KNTC1: variants seen among roughly 807,000 people sequenced by gnomAD.
KNTC1 encodes the protein kinetochore-associated protein 1.
In KNTC1, 253 loss-of-function variants were observed where a neutral mutation model predicts 314.4. The ratio of observed to expected loss-of-function variants is 0.80; its 90% CI spans 0.73 to 0.89. The LOEUF (loss-of-function observed/expected upper bound fraction) is 0.89. KNTC1 is among the 40% of genes least tolerant of loss of function. KNTC1 has a pLI of 0.00. For synonymous variants in KNTC1, 901 were observed against 901.4 expected (o/e 1.00, Z 0.01); for missense variants, 2,475 against 2,572.9 (o/e 0.96, Z 0.82).
intron 3 of KNTC1, among the ~76,000 whole-genome samples, chr12:122,536,292 A>G (rs1266132485): frequency 6.7e-6 from 1 of 149,532 alleles, no homozygotes; most frequent in African/African-American, 2.5e-5. Flanking sequence ...TGGTGGCATG[A>G]TGTCAGCTCA....
intron 45 of KNTC1, 25 bp from the exon 46 acceptor site, chr12:122,602,544 A>T: frequency 6.6e-7 from 1 of 1,506,714 alleles, no homozygotes; most frequent in Non-Finnish European, 9.1e-7. Context: ...CTCTTACTGG[A>T]CAAAAGTTTT....
At chr12:122,551,727 A>G (rs761985038) in intron 16 of KNTC1, 31 bp downstream of exon 16, 49 of 1,531,294 alleles carry the variant, frequency 3.2e-5, no homozygotes, top group Non-Finnish European at 3.6e-5. Flanking sequence ...TTGTTCACCA[A>G]ACAAGCATTT....
In KNTC1 at chr12:122,584,123, CA is replaced by C. The variant is rs891937893; in HGVS notation, c.3264-148del. Among the ~76,000 whole-genome samples, 7 of 151,578 alleles carry C rather than the reference CA, an allele frequency of 4.6e-5. No individual in the cohort carries two copies. The East Asian group carries it at 7.8e-4, about 17-fold the overall frequency. ...TAGGCGATAGGGCTAGAGCCTGTCTCAAAAAAACAAAAGAAAAACTACACTA... is the reference window on the plus strand; with the variant it reads ...TAGGCGATAGGGCTAGAGCCTGTCTCAAAAAACAAAAGAAAAACTACACTA... On this transcript the variant is annotated intron_variant, in intron 34 of 63. Transcript: ENST00000333479.
intron 24 of KNTC1, among the ~76,000 whole-genome samples, chr12:122,571,863 G>C (rs966986321): frequency 4.0e-5 from 6 of 151,666 alleles, no homozygotes; most frequent in African/African-American, 1.5e-4. Context: ...AGTAGAGACG[G>C]GATTTCACCA....
At chr12:122,538,853 G>A (rs897943430) in intron 4 of KNTC1, among the ~76,000 whole-genome samples, 7 of 152,150 alleles carry the variant, frequency 4.6e-5, no homozygotes, top group African/African-American at 1.7e-4. Context: ...AATTTTGGTC[G>A]CATCCTTTTT....
At chr12:122,588,076 T>G (rs1869628183) in intron 39 of KNTC1, among the ~76,000 whole-genome samples, 1 of 152,160 alleles carries the variant, frequency 6.6e-6, no homozygotes, top group African/African-American at 2.4e-5. Flanking sequence ...ACTCATTCTT[T>G]GCAACAGCCC....
At chr12:122,595,168 G>A (rs188603686) in intron 43 of KNTC1, among the ~76,000 whole-genome samples, 61 of 152,296 alleles carry the variant, frequency 4.0e-4, no homozygotes, top group African/African-American at 1.4e-3. Context: ...GAGCCACTGC[G>A]CCTGAACAAG....
intron 53 of KNTC1, among the ~76,000 whole-genome samples, chr12:122,612,531 G>C (rs1873279636): frequency 6.6e-6 from 1 of 150,984 alleles, no homozygotes. Context: ...TGATTCTCCT[G>C]CCTCAGCCTC....
At chr12:122,605,707 G>A (rs1401519830) in intron 51 of KNTC1, among the ~76,000 whole-genome samples, 2 of 151,870 alleles carry the variant, frequency 1.3e-5, no homozygotes, top group Non-Finnish European at 2.9e-5. Flanking sequence ...TACCACACCC[G>A]GCTGATTTTT....
Position 122,547,936 on chromosome 12 carries a change from A to G in KNTC1, c.954A>G (p.Lys318=). Residue 318 remains lysine, a synonymous_variant, in exon 12 of 64, where the codon AAA becomes AAG. Transcript: ENST00000333479. ...TTAGGCAAGGAATTACAAATCTCAA[A>G]TTAATAGCTCTGACAGCTTCAGCTA... is the stretch of plus-strand genomic sequence containing the variant. ...SVTWQGITNL[K]LIALTASANK... 1 of 1,551,478 alleles carries G rather than the reference A, an allele frequency of 6.4e-7. No individual in the cohort carries two copies. The highest frequency in any genetic ancestry group is 2.2e-5 in the Admixed American group (1 of 46,138).
chr12:122,565,236 A>T (rs1233173763), intron 20 of KNTC1, among the ~76,000 whole-genome samples: 3 of 125,792 alleles, frequency 2.4e-5, no homozygotes, highest in African/African-American at 2.9e-5. Context: ...CTTTCTCTTG[A>T]GTTGTTTTTT....
intron 36 of KNTC1, 32 bp downstream of exon 36, chr12:122,585,022 C>T: frequency 7.7e-7 from 1 of 1,291,794 alleles, no homozygotes; most frequent in Non-Finnish European, 1.1e-6. Context: ...TCCCTTAAAT[C>T]CTGGGCAACG....
intron 34 of KNTC1, among the ~76,000 whole-genome samples, chr12:122,583,353 A>G (rs1311883833): frequency 6.6e-6 from 1 of 152,176 alleles, no homozygotes; most frequent in Non-Finnish European, 1.5e-5. Flanking sequence ...AGGGCCAGTG[A>G]CACTCTTTTT....
At position 122,576,975 on chromosome 12, in the gene KNTC1, A is replaced by T; in HGVS notation, c.2667A>T (p.Leu889Phe). 6.3e-7 allele frequency: 1 copy of T among 1,596,122 alleles called. No individual in the cohort carries two copies. Among genetic ancestry groups the T allele is most frequent in the Non-Finnish European group, 8.5e-7 (1 of 1,169,924 alleles). Residue 889 changes from leucine to phenylalanine, a missense_variant, in exon 30 of 64, where the codon TTA becomes TTT. Physicochemically the swap from Leu to Phe is conservative, Grantham distance 22 (BLOSUM62 0). Coordinates refer to ENST00000333479, the MANE Select transcript of KNTC1 (RefSeq NM_014708.6). ...DALKVAQAFM[L>F]SDDEIYSLRI... Reference sequence around the variant, plus strand: ...TAAAGGTAGCCCAAGCGTTTATGTTATCTGATGATGAGATCTACAGTCTAA... The same window carrying T: ...TAAAGGTAGCCCAAGCGTTTATGTTTTCTGATGATGAGATCTACAGTCTAA...
At chr12:122,602,941 C>T in intron 47 of KNTC1, 54 bp downstream of exon 47, 3 of 1,543,728 alleles carry the variant, frequency 1.9e-6, no homozygotes, top group Non-Finnish European at 2.7e-6. Context: ...TAATTCTGAC[C>T]CCGTATAGAA....
intron 61 of KNTC1, 45 bp downstream of exon 61, chr12:122,622,015 C>A (rs568125831): frequency 2.3e-6 from 3 of 1,309,404 alleles, no homozygotes; most frequent in African/African-American, 2.9e-5. Flanking sequence ...AATGTTGATA[C>A]TAGAAGGTAG....
chr12:122,604,764 T>C, intron 49 of KNTC1, 113 bp from the exon 50 acceptor site: 1 of 1,252,076 alleles, frequency 8.0e-7, no homozygotes, highest in Non-Finnish European at 1.1e-6. Context: ...ATGTAGATGC[T>C]TAGGAACATA....
intron 18 of KNTC1, among the ~76,000 whole-genome samples, chr12:122,560,750 G>GC (rs1963914997): frequency 6.6e-6 from 1 of 152,148 alleles, no homozygotes; most frequent in Admixed American, 6.6e-5. Flanking sequence ...CAGCAACAGT[G>GC]CATAAGTGTT....
chr12:122,585,763 T>C lies in KNTC1; in HGVS notation c.3662T>C (p.Val1221Ala), dbSNP rs150106151. Reference sequence around the variant, plus strand: ...ATTTATGAACTGATTTCATCTCTTGTGCCTCTAGCTGGTAAGTCTTATTTG... The same window carrying C: ...ATTTATGAACTGATTTCATCTCTTGCGCCTCTAGCTGGTAAGTCTTATTTG... ...PVIYELISSL[V>A]PLAESKRYPL... The change falls in exon 37 of 64, where the codon GTG becomes GCG. Residue 1221 changes from valine (V) to alanine (A), a missense_variant. Transcript: ENST00000333479. The C allele has an allele frequency of 1.6e-4, 262 of 1,613,708 alleles. No individual in the cohort carries two copies. In the African/African-American group the frequency reaches 2.9e-3, roughly 18 times the overall value.
Sources: gnomAD v4.1 joint callset for allele counts (sites outside exome capture counted in the v4.1 genomes callset) on GRCh38, gnomAD v4.1.1 for gene constraint, MANE v1.5 for transcripts, NCBI Gene and HGNC (gene_info 2026-07-23, HGNC 2026-07-21) for gene names.